Variants in ADGRE3 observed in about 807,000 individuals in gnomAD.
The protein encoded by ADGRE3 is adhesion G protein-coupled receptor E3.
ADGRE3 carries 88 observed loss-of-function variants against 80.1 expected under a neutral mutation model. The ratio of observed to expected loss-of-function variants is 1.10; its 90% CI spans 0.93 to 1.31. ADGRE3 has a LOEUF of 1.31. Ranked by LOEUF, ADGRE3 falls within the 40% of genes most tolerant of loss-of-function variation. The pLI, the probability that ADGRE3 is intolerant of heterozygous loss-of-function variation, is 0.00. For synonymous variants in ADGRE3, 281 were observed against 294.8 expected (o/e 0.95, Z 0.48); for missense variants, 715 against 776.5 (o/e 0.92, Z 0.94).
At chr19:14,607,405 GT>G in the ADGRE3 span, among the ~76,000 whole-genome samples, 3 of 151,336 alleles carry the variant, frequency 2.0e-5, no homozygotes, top group South Asian at 2.1e-4. Flanking sequence ...GGGTTTCACC[GT>G]GTTAGCCAGG....
At chr19:14,620,549 T>TATATATATATATATATATA (rs1196716897) in intron 15 of ADGRE3, among the ~76,000 whole-genome samples, 2 of 2,556 alleles carry the variant, frequency 7.8e-4, no homozygotes, top group African/African-American at 3.4e-3. Context: ...ATATATATAT[T>TATATATATATATATATATA]ATATATATAT....
At chr19:14,631,942 AT>A (rs780000694) in intron 13 of ADGRE3, among the ~76,000 whole-genome samples, 20 of 152,218 alleles carry the variant, frequency 1.3e-4, no homozygotes, top group South Asian at 2.1e-4. Context: ...CTATAAAAAA[AT>A]GTAACAAAGT....
intron 12 of ADGRE3, 94 bp downstream of exon 12, chr19:14,633,142 C>T: frequency 7.5e-7 from 1 of 1,333,820 alleles, no homozygotes; most frequent in Non-Finnish European, 1.1e-6. Flanking sequence ...AATCAAACCA[C>T]CCAACAGTGG....
chr19:14,607,826 T>C, the ADGRE3 span, among the ~76,000 whole-genome samples: 1 of 151,974 alleles, frequency 6.6e-6, no homozygotes, highest in African/African-American at 2.4e-5. Context: ...TCTGCCCACC[T>C]TGGCCTCCCA....
chr19:14,605,102 A>AT, the ADGRE3 span, among the ~76,000 whole-genome samples: 14,963 of 146,572 alleles, frequency 0.1, 996 homozygotes, highest in African/African-American at 0.19. Context: ...ACCTCCCCAC[A>AT]TTTTTTTTTT....
Position 14,662,102 on chromosome 19 carries a change from T to C in ADGRE3, c.216A>G (p.Thr72=). Residue 72 remains threonine, a synonymous_variant, in exon 4 of 16, where the codon ACA becomes ACG. Transcript: ENST00000253673. Reference sequence around the variant, plus strand: ...ATCCACAATATACACTATAGGGTGGTGTACATTCATTAATGTCTGGAACAC... The same window carrying C: ...ATCCACAATATACACTATAGGGTGGCGTACATTCATTAATGTCTGGAACAC... The part of the protein sequence containing the change: ...LETCNDINEC[T]PPYSVYCGFN... 1 of 1,613,762 alleles carries C rather than the reference T, an allele frequency of 6.2e-7. No individual in the cohort carries two copies. Among genetic ancestry groups the C allele is most frequent in the Non-Finnish European group, 8.5e-7 (1 of 1,179,894 alleles).
At chr19:14,635,133 G>A (rs889215613) in intron 11 of ADGRE3, among the ~76,000 whole-genome samples, 1 of 152,004 alleles carries the variant, frequency 6.6e-6, no homozygotes, top group Non-Finnish European at 1.5e-5. Flanking sequence ...ATCTTGCTCT[G>A]TCACTCAGGC....
In ADGRE3 at chr19:14,626,202, C is replaced by T. The variant is rs572152970; in HGVS notation, c.1813-603G>A. On this transcript the variant is annotated intron_variant, in intron 14 of 15. Coordinates refer to ENST00000253673, the MANE Select transcript of ADGRE3 (RefSeq NM_032571.5). ...CTGTAATCCCACCACTTTGAGAGGC[C>T]GAGGCGGGTGGATCACGAGGTCAGG... 1.1e-3 allele frequency among the ~76,000 whole-genome samples: 168 copies of T among 152,084 alleles called. 1 individual carries two copies. Among genetic ancestry groups the T allele is most frequent in the African/African-American group, 3.7e-3 (153 of 41,486 alleles).
chr19:14,663,557 G>T lies in ADGRE3; in HGVS notation c.77-17C>A. The T allele has an allele frequency of 6.2e-7, 1 of 1,609,640 alleles. No homozygotes were observed. The highest frequency in any genetic ancestry group is 8.5e-7 in the Non-Finnish European group (1 of 1,177,114). ...CACAGGAAGCTGCAGGGAGAAGAGAGGCAGGTTAAATGGACTGGGGTCACA... is the reference window on the plus strand; with the variant it reads ...CACAGGAAGCTGCAGGGAGAAGAGATGCAGGTTAAATGGACTGGGGTCACA... On this transcript the variant is annotated splice_polypyrimidine_tract_variant and intron_variant, in intron 2 of 15. Coordinates refer to ENST00000253673, the MANE Select transcript of ADGRE3 (RefSeq NM_032571.5).
intron 11 of ADGRE3, among the ~76,000 whole-genome samples, chr19:14,635,378 TA>T (rs1568480428): frequency 6.6e-6 from 1 of 151,878 alleles, no homozygotes. Flanking sequence ...GTGCTGGGGT[TA>T]CAGGCGTGAA....
the ADGRE3 span, among the ~76,000 whole-genome samples, chr19:14,601,246 T>A: frequency 6.6e-6 from 1 of 152,076 alleles, no homozygotes; most frequent in Non-Finnish European, 1.5e-5. Context: ...GTCTCCATAG[T>A]CCAATGGTGA....
At chr19:14,607,407 G>T in the ADGRE3 span, among the ~76,000 whole-genome samples, 1 of 151,584 alleles carries the variant, frequency 6.6e-6, no homozygotes, top group Non-Finnish European at 1.5e-5. Context: ...GTTTCACCGT[G>T]TTAGCCAGGA....
the ADGRE3 span, among the ~76,000 whole-genome samples, chr19:14,613,395 AT>A: frequency 8.6e-4 from 123 of 143,684 alleles, no homozygotes; most frequent in Middle Eastern, 3.6e-3. Flanking sequence ...GCTAATTTTA[AT>A]TTTTTTTTTT....
the ADGRE3 span, among the ~76,000 whole-genome samples, chr19:14,609,858 CA>C: frequency 4.8e-5 from 7 of 144,754 alleles, no homozygotes; most frequent in South Asian, 6.7e-4. Context: ...CAAAACAAAA[CA>C]AAAAACCCCC....
downstream of ADGRE3, among the ~76,000 whole-genome samples, chr19:14,618,566 G>A (rs951638066): frequency 4.0e-5 from 6 of 148,162 alleles, no homozygotes; most frequent in African/African-American, 7.5e-5. Context: ...AAGAAAATAA[G>A]TTAGCCTGGG....
chr19:14,614,972 A>G (rs141272233), downstream of ADGRE3, among the ~76,000 whole-genome samples: 1,143 of 150,348 alleles, frequency 7.6e-3, 16 homozygotes, highest in African/African-American at 0.027. Flanking sequence ...TGTGGCCTCA[A>G]CCTCCTGGGC....
At chr19:14,671,033 G>A (rs894059163) in intron 1 of ADGRE3, among the ~76,000 whole-genome samples, 3 of 152,224 alleles carry the variant, frequency 2.0e-5, no homozygotes, top group Non-Finnish European at 2.9e-5. Flanking sequence ...AGAGTGGTAT[G>A]TGACTTGGTC....
chr19:14,620,438 G>GAA (rs1302351653), intron 15 of ADGRE3, among the ~76,000 whole-genome samples: 16 of 124,016 alleles, frequency 1.3e-4, no homozygotes, highest in Admixed American at 1.6e-4. Context: ...GAATATATAT[G>GAA]TATATTCATG....
At position 14,646,911 on chromosome 19, in the gene ADGRE3, T is replaced by C. The variant is rs933654030; in HGVS notation, c.882+270A>G. Among the ~76,000 whole-genome samples, 5 of 151,736 alleles carry C rather than the reference T, an allele frequency of 3.3e-5. No homozygotes were observed. The East Asian group carries it at 5.8e-4, about 18-fold the overall frequency. ...TCAGCCTCCCGAGTAGCTGGAAGTA[T>C]AGGAGCATGCCAACCTGCCTGGTTT... On this transcript the variant is annotated intron_variant, in intron 8 of 15. Coordinates refer to ENST00000253673, the MANE Select transcript of ADGRE3 (RefSeq NM_032571.5).
Sources: gnomAD v4.1 joint callset for allele counts (sites outside exome capture counted in the v4.1 genomes callset) on GRCh38, gnomAD v4.1.1 for gene constraint, MANE v1.5 for transcripts, NCBI Gene and HGNC (gene_info 2026-07-23, HGNC 2026-07-21) for gene names.